TRAM2: variants seen among roughly 807,000 people sequenced by gnomAD.
The protein encoded by TRAM2 is translocating chain-associated membrane protein 2.
A neutral mutation model predicts 51.0 loss-of-function variants in TRAM2; 12 were observed. The observed-to-expected ratio is 0.24, with a 90% CI of 0.15 to 0.38. The LOEUF (loss-of-function observed/expected upper bound fraction) is 0.38, where lower values mean the gene tolerates loss of function less well. Ranked by LOEUF, TRAM2 falls within the 10% of genes least tolerant of loss-of-function variation. TRAM2 has a pLI of 1.00. For synonymous variants in TRAM2, 175 were observed against 179.4 expected (o/e 0.98, Z 0.20); for missense variants, 361 against 462.0 (o/e 0.78, Z 2.00).
chr6:52,526,152 G>C lies in TRAM2; in HGVS notation c.185-9415C>G, dbSNP rs7740273. ...CCATCCTAGGAAATACACACAGACA[G>C]ACACACACACACACACACACACACA... On this transcript the variant is annotated intron_variant, in intron 2 of 10. Coordinates refer to ENST00000182527, the MANE Select transcript of TRAM2 (RefSeq NM_012288.4). Among the ~76,000 whole-genome samples the C allele has an allele frequency of 3.5e-3, 101 of 28,870 alleles. 18 individuals carry two copies. Among genetic ancestry groups the C allele is most frequent in the South Asian group, 0.013 (7 of 524 alleles). The allele number at this position is 28,870 out of a possible 152,430, so 18.9% of individuals were successfully genotyped here.
chr6:52,537,522 C>T (rs1766996950), intron 1 of TRAM2, among the ~76,000 whole-genome samples: 3 of 152,136 alleles, frequency 2.0e-5, no homozygotes, highest in Non-Finnish European at 4.4e-5. Flanking sequence ...TCACACATCC[C>T]TTCATGACCC....
chr6:52,509,559 G>A lies in TRAM2; in HGVS notation c.439C>T (p.Leu147Phe). ...TEGYLTNPRSLWEDYPHVHLP... is the reference protein window; with the variant it reads ...TEGYLTNPRSFWEDYPHVHLP... The stretch of plus-strand genomic sequence containing the variant: ...TGCACATGCGGGTAGTCTTCCCAGA[G>A]GCTTCTTGGGTTTGTTAAGTATCCT... Residue 147 changes from leucine (L) to phenylalanine (F), a missense_variant, in exon 5 of 11, where the codon CTC becomes TTC. Leu to Phe is a conservative substitution (Grantham distance 22, BLOSUM62 0). Coordinates refer to ENST00000182527, the MANE Select transcript of TRAM2 (RefSeq NM_012288.4). The A allele has an allele frequency of 1.9e-6, 3 of 1,614,130 alleles. No individual in the cohort carries two copies. Among genetic ancestry groups the A allele is most frequent in the East Asian group, 2.2e-5 (1 of 44,874 alleles).
chr6:52,576,722 AC>A (rs1767773275), intron 1 of TRAM2, 73 bp downstream of exon 1: 25 of 1,556,222 alleles, frequency 1.6e-5, no homozygotes, highest in Non-Finnish European at 1.9e-5. Flanking sequence ...GGGCCCGCTG[AC>A]CTGCAGGGGT....
chr6:52,522,949 C>T (rs551190773), intron 2 of TRAM2: 300 of 702,108 alleles, frequency 4.3e-4, no homozygotes, highest in South Asian at 3.6e-3. Flanking sequence ...TCCCACTGTG[C>T]GGTCTCTGAC....
chr6:52,553,437 A>G (rs1189898972), intron 1 of TRAM2, among the ~76,000 whole-genome samples: 1 of 152,182 alleles, frequency 6.6e-6, no homozygotes. Flanking sequence ...CATGTGTAGT[A>G]GCCGCTTTCT....
At chr6:52,547,416 A>T (rs1293871352) in intron 1 of TRAM2, among the ~76,000 whole-genome samples, 5 of 152,318 alleles carry the variant, frequency 3.3e-5, no homozygotes, top group Non-Finnish European at 5.9e-5. Context: ...CTGCTTGTGC[A>T]GTTCGGACAC....
At chr6:52,514,608 G>T (rs1033689006) in intron 4 of TRAM2, among the ~76,000 whole-genome samples, 4 of 152,252 alleles carry the variant, frequency 2.6e-5, no homozygotes, top group African/African-American at 7.2e-5. Flanking sequence ...CCTGGAAGGC[G>T]TGTTAAGCAA....
At chr6:52,511,157 G>T (rs774560906) in intron 4 of TRAM2, among the ~76,000 whole-genome samples, 1 of 152,210 alleles carries the variant, frequency 6.6e-6, no homozygotes, top group Non-Finnish European at 1.5e-5. Flanking sequence ...AGGCTGGAGT[G>T]CAATGGCACG....
At position 52,555,877 on chromosome 6, in the gene TRAM2, G is replaced by A. The variant is rs373785719; in HGVS notation, c.121-20031C>T. On this transcript the variant is annotated intron_variant, in intron 1 of 10. Transcript: ENST00000182527. ...AAAAATTAAGTCAATTTTTTAAAGT[G>A]GAAGAGCTATAGGAGATCTGCTTAT... is the stretch of plus-strand genomic sequence containing the variant. Among the ~76,000 whole-genome samples, 10 of 152,274 alleles carry A rather than the reference G, an allele frequency of 6.6e-5. No individual in the cohort carries two copies. The South Asian group carries it at 1.0e-3, about 16-fold the overall frequency.
intron 5 of TRAM2, 35 bp from the exon 6 acceptor site, chr6:52,508,353 A>G (rs1356158479): frequency 1.2e-6 from 2 of 1,601,500 alleles, no homozygotes; most frequent in African/African-American, 2.7e-5. Context: ...CGGGCAGGAT[A>G]GAGAAAAGTG....
intron 1 of TRAM2, among the ~76,000 whole-genome samples, chr6:52,571,220 G>C (rs1328986904): frequency 6.6e-6 from 1 of 152,174 alleles, no homozygotes; most frequent in Non-Finnish European, 1.5e-5. Context: ...TGTCATTTGG[G>C]AACTCTAATC....
intron 5 of TRAM2, among the ~76,000 whole-genome samples, chr6:52,509,070 CA>C (rs1164825774): frequency 6.6e-6 from 1 of 152,196 alleles, no homozygotes; most frequent in Non-Finnish European, 1.5e-5. Flanking sequence ...TCGGGAAAGG[CA>C]AAGGGTGGCC....
At chr6:52,539,548 A>C (rs898180039) in intron 1 of TRAM2, among the ~76,000 whole-genome samples, 2 of 152,298 alleles carry the variant, frequency 1.3e-5, no homozygotes, top group African/African-American at 2.4e-5. Flanking sequence ...AACAAAAAAA[A>C]AAAATCACCC....
intron 2 of TRAM2, chr6:52,517,301 T>C (rs1301414159): frequency 6.5e-6 from 1 of 153,140 alleles, no homozygotes; most frequent in Admixed American, 6.5e-5. Context: ...CAACATTTCC[T>C]GCATAGTAAG....
At chr6:52,539,624 T>C (rs577974698) in intron 1 of TRAM2, among the ~76,000 whole-genome samples, 1 of 152,272 alleles carries the variant, frequency 6.6e-6, no homozygotes, top group African/African-American at 2.4e-5. Flanking sequence ...TGGGGAAACA[T>C]AAGCTGTAGG....
chr6:52,527,950 G>GCCAA (rs1350860903), intron 2 of TRAM2, among the ~76,000 whole-genome samples: 1 of 152,114 alleles, frequency 6.6e-6, no homozygotes, highest in Non-Finnish European at 1.5e-5. Context: ...TTTTCAGATG[G>GCCAA]CCAACCAATA....
intron 1 of TRAM2, among the ~76,000 whole-genome samples, chr6:52,546,731 G>A (rs1767208437): frequency 6.6e-6 from 1 of 152,108 alleles, no homozygotes. Context: ...CGCTGAGAAG[G>A]CACAGTCAGA....
intron 1 of TRAM2, among the ~76,000 whole-genome samples, chr6:52,557,152 C>T (rs1767424314): frequency 6.8e-6 from 1 of 146,646 alleles, no homozygotes; most frequent in Non-Finnish European, 1.5e-5. Flanking sequence ...AAGATCACAC[C>T]GTTGCACTCC....
intron 6 of TRAM2, 89 bp downstream of exon 6, chr6:52,508,145 G>T: frequency 8.2e-7 from 1 of 1,219,728 alleles, no homozygotes; most frequent in Non-Finnish European, 1.2e-6. Context: ...CCATGCTTCT[G>T]GAGAAAAGGA....
Sources: allele counts gnomAD v4.1 joint callset (sites outside exome capture counted in the v4.1 genomes callset), GRCh38; gene constraint gnomAD v4.1.1; transcripts MANE v1.5; gene names NCBI Gene and HGNC (gene_info 2026-07-23, HGNC 2026-07-21).